CDH13: variants seen among roughly 807,000 people sequenced by gnomAD.
CDH13 encodes the protein cadherin-13.
CDH13 carries 24 observed loss-of-function variants against 63.8 expected under a neutral mutation model. The ratio of observed to expected loss-of-function variants is 0.38; its 90% CI spans 0.27 to 0.53. CDH13 has a LOEUF of 0.53. CDH13 is among the 20% of genes least tolerant of loss of function. The pLI is 0.85. For missense variants in CDH13, 1,049 were observed against 903.1 expected (o/e 1.16, Z -2.07); for synonymous variants, 503 against 355.3 (o/e 1.42, Z -4.67).
At chr16:82,641,572 G>C (rs1477721255) in intron 1 of CDH13, among the ~76,000 whole-genome samples, 2 of 152,150 alleles carry the variant, frequency 1.3e-5, no homozygotes, top group African/African-American at 4.8e-5. Flanking sequence ...CCTCGTCTTT[G>C]ACATGTGATA....
chr16:83,465,834 C>G (rs1001236721), intron 6 of CDH13, among the ~76,000 whole-genome samples: 3 of 152,218 alleles, frequency 2.0e-5, no homozygotes, highest in Non-Finnish European at 4.4e-5. Flanking sequence ...AAGCATCTCA[C>G]AAACTCTATT....
intron 4 of CDH13, among the ~76,000 whole-genome samples, chr16:83,149,710 C>G (rs957490703): frequency 6.6e-5 from 10 of 152,170 alleles, no homozygotes; most frequent in African/African-American, 2.4e-4. Context: ...CTCTTCATGA[C>G]ATCCTAGAGA....
chr16:83,680,990 C>G (rs1251398524), intron 10 of CDH13, among the ~76,000 whole-genome samples: 5 of 152,046 alleles, frequency 3.3e-5, no homozygotes, highest in Non-Finnish European at 5.9e-5. Flanking sequence ...CAGCAAACAC[C>G]TCTCCTTGAT....
intron 5 of CDH13, among the ~76,000 whole-genome samples, chr16:83,334,361 T>TCTCTCTCACACACACACA (rs1272779883): frequency 8.2e-5 from 7 of 85,594 alleles, no homozygotes; most frequent in African/African-American, 3.0e-4. Flanking sequence ...TCTCTCTCTC[T>TCTCTCTCACACACACACA]CACACACACA....
intron 2 of CDH13, among the ~76,000 whole-genome samples, chr16:82,947,626 C>T (rs1453611064): frequency 2.0e-4 from 31 of 151,974 alleles, no homozygotes; most frequent in Non-Finnish European, 2.9e-5. Flanking sequence ...GGAAACTTAA[C>T]AAATTTAATT....
At chr16:82,902,643 A>T (rs2041508825) in intron 2 of CDH13, among the ~76,000 whole-genome samples, 1 of 150,930 alleles carries the variant, frequency 6.6e-6, no homozygotes, top group South Asian at 2.1e-4. Context: ...CTCTACCTAT[A>T]CATTAATCAG....
intron 2 of CDH13, among the ~76,000 whole-genome samples, chr16:83,022,463 G>T (rs1290031084): frequency 6.6e-6 from 1 of 152,200 alleles, no homozygotes; most frequent in African/African-American, 2.4e-5. Context: ...AAAGTTGCAA[G>T]CCAACTGAAG....
chr16:82,890,341 G>A (rs1249633373), intron 2 of CDH13, among the ~76,000 whole-genome samples: 2 of 152,172 alleles, frequency 1.3e-5, no homozygotes, highest in African/African-American at 4.8e-5. Context: ...CTTTCAGTAA[G>A]GCATGTGAGT....
intron 3 of CDH13, among the ~76,000 whole-genome samples, chr16:83,092,021 T>C (rs1264957109): frequency 6.6e-6 from 1 of 152,344 alleles, no homozygotes; most frequent in African/African-American, 2.4e-5. Context: ...GCATTAAAAA[T>C]TTATTTTGAA....
chr16:82,666,312 T>C (rs1222887808), intron 1 of CDH13, among the ~76,000 whole-genome samples: 1 of 152,246 alleles, frequency 6.6e-6, no homozygotes, highest in Admixed American at 6.5e-5. Flanking sequence ...TTGTGTATTT[T>C]AAGTAACAGC....
chr16:83,280,323 G>T (rs1582597), intron 5 of CDH13, among the ~76,000 whole-genome samples: 3 of 152,164 alleles, frequency 2.0e-5, no homozygotes, highest in Non-Finnish European at 2.9e-5. Flanking sequence ...CCAGGAGTAG[G>T]TTCCATCTTG....
chr16:82,810,558 T>C (rs995738273), intron 1 of CDH13, among the ~76,000 whole-genome samples: 2 of 152,196 alleles, frequency 1.3e-5, no homozygotes, highest in African/African-American at 4.8e-5. Context: ...GTGGTGTAAG[T>C]AGCGTGGCCG....
chr16:83,032,398 C>T (rs1185823056), intron 3 of CDH13, 180 bp downstream of exon 3: 1 of 589,168 alleles, frequency 1.7e-6, no homozygotes, highest in Non-Finnish European at 3.0e-6. Flanking sequence ...TTAATTGATT[C>T]ATGTAACTAA....
chr16:83,164,626 A>G (rs1387527066), intron 4 of CDH13, among the ~76,000 whole-genome samples: 1 of 151,808 alleles, frequency 6.6e-6, no homozygotes, highest in East Asian at 1.9e-4. Flanking sequence ...AGGCTGAGGC[A>G]AGAGAATCGC....
At chr16:83,249,879 G>T (rs1905321704) in intron 5 of CDH13, among the ~76,000 whole-genome samples, 1 of 152,192 alleles carries the variant, frequency 6.6e-6, no homozygotes, top group Admixed American at 6.5e-5. Flanking sequence ...TTGGATGATA[G>T]CTTCTCATGA....
chr16:82,793,853 C>G (rs1045272239), intron 1 of CDH13, among the ~76,000 whole-genome samples: 5 of 152,114 alleles, frequency 3.3e-5, no homozygotes, highest in Non-Finnish European at 7.4e-5. Context: ...ATGGGAGTCT[C>G]AGAATTTTCC....
chr16:83,491,406 G>T (rs2074008344), intron 7 of CDH13, among the ~76,000 whole-genome samples: 1 of 151,972 alleles, frequency 6.6e-6, no homozygotes, highest in Non-Finnish European at 1.5e-5. Context: ...AACTATGTCT[G>T]GCTGCACTAC....
chr16:82,698,494 C>G (rs549264636), intron 1 of CDH13, among the ~76,000 whole-genome samples: 87 of 152,366 alleles, frequency 5.7e-4, no homozygotes, highest in African/African-American at 1.2e-3. Flanking sequence ...TTAGGTGGCT[C>G]TGCTGATCTT....
chr16:82,799,378 A>T (rs1418185270), intron 1 of CDH13, among the ~76,000 whole-genome samples: 2 of 152,194 alleles, frequency 1.3e-5, no homozygotes, highest in Non-Finnish European at 2.9e-5. Flanking sequence ...CCTCTTGCCA[A>T]ATTAGAGTCT....
Sources: gnomAD v4.1 joint callset for allele counts (sites outside exome capture counted in the v4.1 genomes callset) on GRCh38, gnomAD v4.1.1 for gene constraint, MANE v1.5 for transcripts, NCBI Gene and HGNC (gene_info 2026-07-23, HGNC 2026-07-21) for gene names.